MAU2: variants seen among roughly 807,000 people sequenced by gnomAD.
MAU2 encodes the protein MAU2 chromatid cohesion factor homolog.
MAU2 carries 9 observed loss-of-function variants against 89.1 expected under a neutral mutation model. That is an observed-to-expected ratio of 0.10 (90% CI 0.06 to 0.18). MAU2 has a LOEUF of 0.18. Ranked by LOEUF, MAU2 falls within the 10% of genes least tolerant of loss-of-function variation. The pLI is 1.00. For missense variants in MAU2, 425 were observed against 803.5 expected (o/e 0.53, Z 5.69); for synonymous variants, 357 against 343.4 (o/e 1.04, Z -0.44).
intron 5 of MAU2, chr19:19,339,843 G>C (rs1279498408): frequency 6.6e-6 from 1 of 151,464 alleles, no homozygotes. Flanking sequence ...GGCCAACATG[G>C]TGAAACCCCG....
At chr19:19,335,072 T>C (rs889598786) in intron 1 of MAU2, among the ~76,000 whole-genome samples, 3 of 152,204 alleles carry the variant, frequency 2.0e-5, no homozygotes, top group African/African-American at 7.2e-5. Flanking sequence ...AACATGGAAC[T>C]TTAGGGCACA....
chr19:19,350,773 G>A (rs912366440), intron 16 of MAU2, among the ~76,000 whole-genome samples: 1 of 151,942 alleles, frequency 6.6e-6, no homozygotes, highest in African/African-American at 2.4e-5. Flanking sequence ...GGTGGCAGGC[G>A]CCTGTAGTCC....
chr19:19,343,969 G>A, intron 10 of MAU2, 29 bp downstream of exon 10: 1 of 1,579,866 alleles, frequency 6.3e-7, no homozygotes, highest in Non-Finnish European at 8.7e-7. Context: ...GGGGCGGGAA[G>A]GCCCAGGAGT....
chr19:19,350,980 C>T (rs1357427743), intron 16 of MAU2, among the ~76,000 whole-genome samples: 1 of 151,728 alleles, frequency 6.6e-6, no homozygotes, highest in Non-Finnish European at 1.5e-5. Flanking sequence ...GGGGGAGAAT[C>T]CCTTGATCCC....
chr19:19,326,414 C>T (rs1453644595), intron 1 of MAU2, among the ~76,000 whole-genome samples: 10 of 151,534 alleles, frequency 6.6e-5, no homozygotes, highest in Admixed American at 4.6e-4. Context: ...TAGCCGGGCG[C>T]GGTGGCTCAC....
intron 5 of MAU2, among the ~76,000 whole-genome samples, chr19:19,340,300 T>C (rs2146683925): frequency 6.6e-6 from 1 of 151,158 alleles, no homozygotes; most frequent in East Asian, 2.0e-4. Context: ...ACCATTGCAC[T>C]CCAGCCTGGG....
At position 19,355,761 on chromosome 19, in the gene MAU2, C is replaced by T; in HGVS notation, c.1821C>T (p.Thr607=). ...VQFQAQNGPN[T]SLASLL is the part of the protein sequence containing the mutation. ...TCCAAGCTCAGAATGGACCCAACAC[C>T]AGCCTGGCCAGCCTCCTGTGAGGCC... Residue 607 remains threonine (T), a synonymous_variant, in exon 19 of 19, where the codon ACC becomes ACT. Coordinates refer to ENST00000262815, the MANE Select transcript of MAU2 (RefSeq NM_015329.4). The T allele has an allele frequency of 1.2e-6, 2 of 1,608,566 alleles. No homozygotes were observed. The highest frequency in any genetic ancestry group is 1.7e-6 in the Non-Finnish European group (2 of 1,179,956).
chr19:19,334,170 C>T (rs1282018786), intron 1 of MAU2: 1 of 985,430 alleles, frequency 1.0e-6, no homozygotes, highest in Non-Finnish European at 1.2e-6. Context: ...TGTCCCCACA[C>T]ACAGCCTCTA....
At chr19:19,337,453 A>C (rs909426119) in intron 4 of MAU2, among the ~76,000 whole-genome samples, 188 bp downstream of exon 4, 5 of 152,232 alleles carry the variant, frequency 3.3e-5, no homozygotes, top group Middle Eastern at 3.2e-3. Flanking sequence ...TCCATCCTTG[A>C]GAGCATCTCT....
At chr19:19,335,784 A>C (rs2061591286) in intron 2 of MAU2, 49 bp downstream of exon 2, 2 of 1,596,240 alleles carry the variant, frequency 1.3e-6, no homozygotes, top group Non-Finnish European at 1.7e-6. Flanking sequence ...TCTCCACTTA[A>C]ATAAAAAGAA....
chr19:19,352,094 C>T (rs1457304839), intron 16 of MAU2, among the ~76,000 whole-genome samples: 2 of 151,950 alleles, frequency 1.3e-5, no homozygotes, highest in African/African-American at 4.8e-5. Flanking sequence ...GGTGATCTGC[C>T]TACTTCAGCC....
chr19:19,347,410 C>G (rs2061702248), intron 13 of MAU2, 44 bp downstream of exon 13: 2 of 1,516,766 alleles, frequency 1.3e-6, no homozygotes, highest in South Asian at 1.1e-5. Flanking sequence ...TCTCTGTTCT[C>G]TTCTTTTTGG....
chr19:19,325,006 C>T (rs944838011), intron 1 of MAU2, among the ~76,000 whole-genome samples: 2 of 152,120 alleles, frequency 1.3e-5, no homozygotes, highest in Non-Finnish European at 2.9e-5. Flanking sequence ...GTATGTTCTC[C>T]GCTTAGAGGT....
chr19:19,347,214 T>C (rs1415892908), intron 12 of MAU2, 66 bp from the exon 13 acceptor site: 7 of 959,784 alleles, frequency 7.3e-6, no homozygotes, highest in Non-Finnish European at 1.2e-5. Context: ...TTGTGGGTGC[T>C]CTGACACTGC....
At position 19,320,906 on chromosome 19, in the gene MAU2, C is replaced by A; in HGVS notation, c.47C>A (p.Ala16Asp). Reference sequence around the variant, plus strand: ...GCGGCCCAGGCGGCGGCGGCCCAGGCTGCGCAGGCCGAGGCGGCCGACTCG... The same window carrying A: ...GCGGCCCAGGCGGCGGCGGCCCAGGATGCGCAGGCCGAGGCGGCCGACTCG... ...AAAAQAAAAQ[A>D]AQAEAADSWY... Residue 16 changes from alanine to aspartate, a missense_variant, in exon 1 of 19, where the codon GCT becomes GAT. Coordinates refer to ENST00000262815, the MANE Select transcript of MAU2 (RefSeq NM_015329.4). 6.5e-7 allele frequency: 1 copy of A among 1,548,632 alleles called. No homozygotes were observed. Among genetic ancestry groups the A allele is most frequent in the Non-Finnish European group, 8.7e-7 (1 of 1,149,042 alleles).
intron 1 of MAU2, among the ~76,000 whole-genome samples, chr19:19,324,363 G>C (rs2061487648): frequency 6.6e-6 from 1 of 152,122 alleles, no homozygotes; most frequent in Non-Finnish European, 1.5e-5. Context: ...GTCTCTCCAG[G>C]GTCATGATGA....
chr19:19,346,564 C>G (rs1413675371), intron 12 of MAU2, among the ~76,000 whole-genome samples: 2 of 152,124 alleles, frequency 1.3e-5, no homozygotes, highest in Non-Finnish European at 2.9e-5. Flanking sequence ...GTGCTTGATT[C>G]GGAAGATCCT....
At chr19:19,324,090 G>A (rs1391249037) in intron 1 of MAU2, among the ~76,000 whole-genome samples, 1 of 152,172 alleles carries the variant, frequency 6.6e-6, no homozygotes, top group Non-Finnish European at 1.5e-5. Flanking sequence ...CGTAAGCCTA[G>A]GTTTTCATGA....
At chr19:19,323,115 C>G (rs1015940774) in intron 1 of MAU2, among the ~76,000 whole-genome samples, 104 of 152,028 alleles carry the variant, frequency 6.8e-4, no homozygotes, top group African/African-American at 2.4e-3. Flanking sequence ...TCTTGAACTC[C>G]TGACCTTGTG....
Sources: gnomAD v4.1 joint callset for allele counts (sites outside exome capture counted in the v4.1 genomes callset) on GRCh38, gnomAD v4.1.1 for gene constraint, MANE v1.5 for transcripts, NCBI Gene and HGNC (gene_info 2026-07-23, HGNC 2026-07-21) for gene names.